SAMD11: variants seen among roughly 807,000 people sequenced by gnomAD.
SAMD11 encodes sterile alpha motif domain-containing protein 11.
Under a neutral mutation model 64.4 loss-of-function variants are expected in SAMD11, and 77 were observed. That is an observed-to-expected ratio of 1.20 (90% CI 0.99 to 1.44). The LOEUF is 1.44. Ranked by LOEUF, SAMD11 falls within the 40% of genes most tolerant of loss-of-function variation. The pLI is 0.00. For missense variants in SAMD11, 1,402 were observed against 943.3 expected (o/e 1.49, Z -6.37); for synonymous variants, 658 against 421.9 (o/e 1.56, Z -6.86).
At chr1:931,526 G>A (rs28612797) in intron 4 of SAMD11, among the ~76,000 whole-genome samples, 7,145 of 152,302 alleles carry the variant, frequency 0.047, 558 homozygotes, top group African/African-American at 0.16. Flanking sequence ...AAGGCGAGGG[G>A]ATGTCTGCAG....
In SAMD11 at chr1:943,303, G is replaced by A. The variant is rs1400590227; in HGVS notation, c.2104G>A (p.Asp702Asn). The A allele has an allele frequency of 6.2e-6, 10 of 1,612,482 alleles. No individual in the cohort carries two copies. Among genetic ancestry groups the A allele is most frequent in the Non-Finnish European group, 7.6e-6 (9 of 1,179,714 alleles). The change falls in exon 12 of 14, where the codon GAC becomes AAC. Residue 702 changes from aspartate to asparagine, a missense_variant. Transcript: ENST00000616016. ...TGGGGAGGAGGCCCCAGCCCCTGAGGACGTCACCAAGTGGACCGTGGATGA... is the reference window on the plus strand; with the variant it reads ...TGGGGAGGAGGCCCCAGCCCCTGAGAACGTCACCAAGTGGACCGTGGATGA... ...MDGEEAPAPE[D>N]VTKWTVDDVC... is the part of the protein sequence containing the mutation.
intron 2 of SAMD11, among the ~76,000 whole-genome samples, chr1:926,240 CAG>C (rs966629590): frequency 6.6e-6 from 1 of 152,240 alleles, no homozygotes; most frequent in Non-Finnish European, 1.5e-5. Context: ...CCGGTGGAGA[CAG>C]GGGGGCCGCG....
At chr1:926,972 C>T (rs915931075) in intron 2 of SAMD11, among the ~76,000 whole-genome samples, 7 of 152,120 alleles carry the variant, frequency 4.6e-5, no homozygotes, top group African/African-American at 1.4e-4. Flanking sequence ...GGAGGGGATG[C>T]CCAGGGGCCT....
At chr1:941,119 A>G (rs4372192) in intron 7 of SAMD11, 25 bp from the exon 8 acceptor site, 1,476,946 of 1,570,884 alleles carry the variant, frequency 0.94, 694,532 homozygotes, top group Non-Finnish European at 0.95. Flanking sequence ...AGCCGGGGGG[A>G]TCACTGCTGT....
Position 942,934 on chromosome 1 carries a change from G to C in SAMD11, c.1929G>C (p.Gly643=), listed in dbSNP as rs142558220. The change falls in exon 11 of 14, where the codon GGG becomes GGC. Residue 643 remains glycine (G), a synonymous_variant. Coordinates refer to ENST00000616016, the MANE Select transcript of SAMD11 (RefSeq NM_001385641.1). ...DGEDPETAAV[G]CRGPTPGQAP... Reference sequence around the variant, plus strand: ...AGGACCCCGAGACGGCAGCTGTTGGGTGCAGGGGGCCCACTCCGGGCCAAG... The same window carrying C: ...AGGACCCCGAGACGGCAGCTGTTGGCTGCAGGGGGCCCACTCCGGGCCAAG... 130,708 of 1,552,338 alleles carry C rather than the reference G, an allele frequency of 0.084. 6,203 individuals carry two copies. Among genetic ancestry groups the C allele is most frequent in the Middle Eastern group, 0.1 (612 of 5,954 alleles).
intron 4 of SAMD11, among the ~76,000 whole-genome samples, chr1:935,324 G>A (rs939312726): frequency 3.3e-5 from 5 of 152,134 alleles, no homozygotes; most frequent in African/African-American, 9.7e-5. Context: ...CAGTTTCCTC[G>A]TGTGCAGAAA....
chr1:932,018 A>G (rs939727537), intron 4 of SAMD11, among the ~76,000 whole-genome samples: 7 of 152,186 alleles, frequency 4.6e-5, no homozygotes, highest in Admixed American at 2.6e-4. Flanking sequence ...GGCCCAGGGG[A>G]CCTGCGTGTC....
rs1331902306 is a variant in SAMD11, at chr1:942,150, C to T, written c.1373C>T (p.Pro458Leu). Reference protein sequence around the residue: ...PSFSERELPQPPPLLSPQNAP... With the variant: ...PSFSERELPQLPPLLSPQNAP... Reference sequence around the variant, plus strand: ...GCCGTCCACAGGGAGCTGCCTCAGCCGCCCCCCTTGCTGTCGCCGCAGAAT... The same window carrying T: ...GCCGTCCACAGGGAGCTGCCTCAGCTGCCCCCCTTGCTGTCGCCGCAGAAT... The change falls in exon 9 of 14, where the codon CCG becomes CTG. Residue 458 changes from proline (P) to leucine (L), a missense_variant. By Grantham distance (98) the Pro-to-Leu change is moderately conservative. Coordinates refer to ENST00000616016, the MANE Select transcript of SAMD11 (RefSeq NM_001385641.1). 3 of 1,363,254 alleles carry T rather than the reference C, an allele frequency of 2.2e-6. No individual in the cohort carries two copies. Among genetic ancestry groups the T allele is most frequent in the Non-Finnish European group, 2.0e-6 (2 of 1,022,168 alleles). The allele number at this position is 1,363,254 out of a possible 1,614,324, so 84.4% of individuals were successfully genotyped here.
chr1:929,727 G>A (rs1360741079), intron 2 of SAMD11, among the ~76,000 whole-genome samples: 2 of 152,210 alleles, frequency 1.3e-5, no homozygotes, highest in African/African-American at 2.4e-5. Flanking sequence ...GGGAATGAGG[G>A]GCCACACAAG....
intron 2 of SAMD11, among the ~76,000 whole-genome samples, chr1:928,282 C>CT: frequency 1.3e-5 from 2 of 152,316 alleles, no homozygotes; most frequent in East Asian, 1.9e-4. Context: ...GTCCCAGCTA[C>CT]TTGGGAGGCT....
rs770711797 is a variant in SAMD11 at position 943,688 on chromosome 1, C to G, written c.2179-10C>G. ...CCCGGGTCCTGACCCTCCCTCCCTC[C>G]CCCTTCCAGGTCTTCAGGGAGCAGG... On this transcript the variant is annotated splice_polypyrimidine_tract_variant and intron_variant, in intron 12 of 13. Transcript: ENST00000616016. The G allele has an allele frequency of 4.5e-6, 7 of 1,553,960 alleles. No homozygotes were observed. The highest frequency in any genetic ancestry group is 5.2e-6 in the Non-Finnish European group (6 of 1,148,890).
At chr1:928,221 T>TCAC (rs1173008666) in intron 2 of SAMD11, among the ~76,000 whole-genome samples, 192 of 149,986 alleles carry the variant, frequency 1.3e-3, no homozygotes, top group Non-Finnish European at 2.3e-3. Context: ...GTGAAACCCG[T>TCAC]CTCTACTAAA....
At chr1:931,138 C>CTCCG (rs1410464747) in intron 4 of SAMD11, 49 bp downstream of exon 4, 6 of 1,534,336 alleles carry the variant, frequency 3.9e-6, no homozygotes, top group Non-Finnish European at 5.4e-6. Context: ...ACTCCCCTCC[C>CTCCG]TCCCTCCCAC....
intron 7 of SAMD11, 174 bp from the exon 8 acceptor site, chr1:940,970 C>G (rs188699929): frequency 5.1e-4 from 274 of 541,026 alleles, no homozygotes; most frequent in Middle Eastern, 1.9e-3. Flanking sequence ...TCTTGTCTGC[C>G]GTCTCGGCCC....
chr1:935,999 C>T, intron 5 of SAMD11, 103 bp downstream of exon 5: 2 of 1,266,042 alleles, frequency 1.6e-6, no homozygotes, highest in Non-Finnish European at 2.2e-6. Flanking sequence ...GCCAGAGAGG[C>T]AGGAGGAGCG....
intron 2 of SAMD11, among the ~76,000 whole-genome samples, chr1:929,525 A>T (rs541578524): frequency 6.6e-6 from 1 of 152,234 alleles, no homozygotes; most frequent in Non-Finnish European, 1.5e-5. Flanking sequence ...CTGATGAAAT[A>T]GAAAAGGGCA....
At chr1:942,330 C>G (rs944084425) in intron 9 of SAMD11, 79 bp downstream of exon 9, 2 of 1,092,456 alleles carry the variant, frequency 1.8e-6, no homozygotes, top group Non-Finnish European at 2.4e-6. Context: ...GGAGCCGAGA[C>G]GGACCGGGTA....
chr1:936,617 G>C (rs559634386), intron 5 of SAMD11, among the ~76,000 whole-genome samples: 1 of 152,222 alleles, frequency 6.6e-6, no homozygotes, highest in South Asian at 2.1e-4. Flanking sequence ...GGAGGCGGGG[G>C]CGCCCCGAGG....
rs752848762 is a variant in SAMD11 at position 943,204 on chromosome 1, G to A, written c.2054-49G>A. 27 of 1,610,280 alleles carry A rather than the reference G, an allele frequency of 1.7e-5. No individual in the cohort carries two copies. The East Asian group carries it at 4.5e-4, about 27-fold the overall frequency. ...GGCACACGACGGTCAGGAGACGGGC[G>A]GGTATGGGAAAGCCAGCCAGAGCCC... On this transcript the variant is annotated intron_variant, in intron 11 of 13. Coordinates refer to ENST00000616016, the MANE Select transcript of SAMD11 (RefSeq NM_001385641.1).
Sources: allele counts gnomAD v4.1 joint callset (sites outside exome capture counted in the v4.1 genomes callset), GRCh38; gene constraint gnomAD v4.1.1; transcripts MANE v1.5; gene names NCBI Gene and HGNC (gene_info 2026-07-23, HGNC 2026-07-21).